Variants in STMN4 observed in about 807,000 individuals in gnomAD.
STMN4 encodes the protein stathmin 4.
Under a neutral mutation model 29.1 loss-of-function variants are expected in STMN4, and 12 were observed. The observed-to-expected ratio is 0.41, with a 90% CI of 0.26 to 0.67. The LOEUF is 0.67. Among genes scored for constraint, STMN4 ranks in the 30% least tolerant of loss-of-function variants. The pLI, the probability that STMN4 is intolerant of heterozygous loss-of-function variation, is 0.30. For synonymous variants in STMN4, 114 were observed against 105.3 expected (o/e 1.08, Z -0.51); for missense variants, 181 against 262.8 (o/e 0.69, Z 2.15).
At position 27,240,123 on chromosome 8, in the gene STMN4, G is replaced by A. The variant is rs1563412827; in HGVS notation, c.439C>T (p.Arg147Trp). The stretch of plus-strand genomic sequence containing the variant: ...TGGATCACCTCTCTCTCATGTTCCC[G>A]TTTCTCTGCTAGGTGTTTCAGGAGC... ...AELLKHLAEK[R>W]EHEREVIQKA... The change falls in exon 6 of 7, where the codon CGG becomes TGG. Residue 147 changes from arginine to tryptophan, a missense_variant. Physicochemically the swap from Arg to Trp is moderately radical, Grantham distance 101. Coordinates refer to ENST00000350889, the MANE Select transcript of STMN4 (RefSeq NM_030795.4). The A allele has an allele frequency of 1.2e-6, 2 of 1,614,060 alleles. No individual in the cohort carries two copies. The highest frequency in any genetic ancestry group is 1.7e-6 in the Non-Finnish European group (2 of 1,180,018).
At chr8:27,243,114 C>T (rs1202788845) in intron 2 of STMN4, among the ~76,000 whole-genome samples, 1 of 152,194 alleles carries the variant, frequency 6.6e-6, no homozygotes, top group Non-Finnish European at 1.5e-5. Flanking sequence ...TGTCAGGGGC[C>T]AGAGCTGTCC....
intron 6 of STMN4, 159 bp downstream of exon 6, chr8:27,239,812 C>T (rs79575108): frequency 6.5e-7 from 1 of 1,541,966 alleles, no homozygotes; most frequent in Admixed American, 2.0e-5. Flanking sequence ...CTTCCCTGAT[C>T]ATCCTTCGGA....
chr8:27,248,802 C>G (rs577112135), intron 1 of STMN4, among the ~76,000 whole-genome samples: 1 of 152,052 alleles, frequency 6.6e-6, no homozygotes, highest in East Asian at 1.9e-4. Flanking sequence ...GGTTCTGCTG[C>G]GAGTGTAAAA....
At chr8:27,247,849 A>T (rs982835228) in intron 1 of STMN4, among the ~76,000 whole-genome samples, 16 of 152,222 alleles carry the variant, frequency 1.1e-4, no homozygotes, top group Non-Finnish European at 2.2e-4. Context: ...AGAGCAATGG[A>T]AGGCAAAACC....
intron 1 of STMN4, 92 bp from the exon 2 acceptor site, chr8:27,243,893 A>C: frequency 1.0e-5 from 12 of 1,174,724 alleles, no homozygotes; most frequent in Non-Finnish European, 1.2e-5. Context: ...AGGGAATCTC[A>C]GGGGTACCTC....
chr8:27,241,379 G>A (rs1454809644), intron 4 of STMN4, 117 bp from the exon 5 acceptor site: 1 of 1,249,144 alleles, frequency 8.0e-7, no homozygotes, highest in Non-Finnish European at 1.1e-6. Context: ...GCTGGAGACT[G>A]GGGTCTGGCT....
intron 1 of STMN4, among the ~76,000 whole-genome samples, chr8:27,244,407 G>A (rs528768812): frequency 1.1e-4 from 17 of 152,254 alleles, no homozygotes; most frequent in African/African-American, 3.6e-4. Context: ...GAATCATGTC[G>A]TCATCACAGG....
At chr8:27,244,157 A>C (rs1297168531) in intron 1 of STMN4, among the ~76,000 whole-genome samples, 2 of 152,170 alleles carry the variant, frequency 1.3e-5, no homozygotes. Context: ...GTGAGAAGCA[A>C]ATCCTCCTGC....
chr8:27,241,303 T>TGCACAGGCACCCAGCAAGCATGCG (rs760742556), intron 4 of STMN4, 41 bp from the exon 5 acceptor site: 28 of 1,612,272 alleles, frequency 1.7e-5, no homozygotes, highest in Admixed American at 8.3e-5. Flanking sequence ...TCCTGAAGAA[T>TGCACAGGCACCCAGCAAGCATGCG]GCACAGGCAC....
chr8:27,236,870 C>T lies in STMN4; in HGVS notation c.627G>A (p.Glu209=). Residue 209 remains glutamate (E), a synonymous_variant, in exon 7 of 7, where the codon GAG becomes GAA. Transcript: ENST00000350889. ...KHAEEVRKNK[E]LKEEASR is the part of the protein sequence containing the mutation. ...TTTACCTGGAGGCCTCTTCCTTCAG[C>T]TCCTTGTTTTTCCGCACCTCCTCGG... 1 of 1,608,218 alleles carries T rather than the reference C, an allele frequency of 6.2e-7. No homozygotes were observed.
intron 1 of STMN4, among the ~76,000 whole-genome samples, chr8:27,248,520 G>C (rs1242135407): frequency 6.6e-6 from 1 of 152,178 alleles, no homozygotes; most frequent in Non-Finnish European, 1.5e-5. Flanking sequence ...GAAGGACTTT[G>C]TGCTTTATCT....
intron 1 of STMN4, among the ~76,000 whole-genome samples, chr8:27,253,473 A>G (rs1801850315): frequency 6.6e-6 from 1 of 152,164 alleles, no homozygotes; most frequent in Admixed American, 6.5e-5. Context: ...TCAGTTCTGG[A>G]TTATCGTTAT....
chr8:27,240,309 C>T, intron 5 of STMN4, 147 bp from the exon 6 acceptor site: 1 of 822,594 alleles, frequency 1.2e-6, no homozygotes, highest in South Asian at 1.9e-5. Flanking sequence ...AAGGACACTT[C>T]CTAAATTCCC....
intron 6 of STMN4, 95 bp from the exon 7 acceptor site, chr8:27,237,000 G>A: frequency 3.0e-6 from 4 of 1,321,428 alleles, no homozygotes; most frequent in Non-Finnish European, 4.1e-6. Context: ...GCAAAGAGTG[G>A]CCACCACAGG....
At position 27,241,678 on chromosome 8, in the gene STMN4, C is replaced by CTG. The variant is rs766386864; in HGVS notation, c.187_188dup (p.Gln63HisfsTer8). 6.2e-7 allele frequency: 1 copy of CTG among 1,614,186 alleles called. No homozygotes were observed. Among genetic ancestry groups the CTG allele is most frequent in the Non-Finnish European group, 8.5e-7 (1 of 1,180,014 alleles). On this transcript the variant is annotated frameshift_variant and splice_region_variant, in exon 4 of 7. Coordinates refer to ENST00000350889, the MANE Select transcript of STMN4 (RefSeq NM_030795.4). LOFTEE classifies it high-confidence loss of function. ...ATCCCTCCGCTGCCTCCCTCCTACC[C>CTG]TGAGCTCTTCTTTCTCTCCAGTCAG...
At position 27,239,737 on chromosome 8, in the gene STMN4, T is replaced by C. The variant is rs111700583; in HGVS notation, c.591+234A>G. Reference sequence around the variant, plus strand: ...TCCCTAAGGCAATGAAGGATTTTAATTGTGTAACTGTGCAGAATATCCCCC... The same window carrying C: ...TCCCTAAGGCAATGAAGGATTTTAACTGTGTAACTGTGCAGAATATCCCCC... On this transcript the variant is annotated intron_variant, in intron 6 of 6. Transcript: ENST00000350889. 22 of 1,468,626 alleles carry C rather than the reference T, an allele frequency of 1.5e-5. No homozygotes were observed. In the African/African-American group the frequency reaches 2.1e-4, roughly 14 times the overall value. 91.0% of individuals were successfully genotyped at this position (1,468,626 alleles called of 1,614,324 possible). A position where few individuals can be genotyped will look rare whatever the true frequency, so the allele number is the denominator to read the frequency against.
In STMN4 at chr8:27,242,496, C is replaced by G. The variant is rs756629458; in HGVS notation, c.14-4G>C. 4 of 1,613,934 alleles carry G rather than the reference C, an allele frequency of 2.5e-6. No homozygotes were observed. Among genetic ancestry groups the G allele is most frequent in the Non-Finnish European group, 3.4e-6 (4 of 1,179,882 alleles). On this transcript the variant is annotated splice_polypyrimidine_tract_variant and splice_region_variant and intron_variant, in intron 2 of 6. Coordinates refer to ENST00000350889, the MANE Select transcript of STMN4 (RefSeq NM_030795.4). Reference sequence around the variant, plus strand: ...TCCTTCATCTTCTCTTTGTAGGCTGCGGAAACACCCAGTCAGGTGAGGATG... The same window carrying G: ...TCCTTCATCTTCTCTTTGTAGGCTGGGGAAACACCCAGTCAGGTGAGGATG...
chr8:27,238,518 C>T (rs938330168), intron 6 of STMN4, among the ~76,000 whole-genome samples: 20 of 152,332 alleles, frequency 1.3e-4, no homozygotes, highest in African/African-American at 4.6e-4. Context: ...CTGAATCTAC[C>T]GATCTCTCTG....
intron 1 of STMN4, among the ~76,000 whole-genome samples, chr8:27,246,700 G>A (rs538751953): frequency 5.9e-5 from 9 of 152,296 alleles, no homozygotes; most frequent in Non-Finnish European, 1.0e-4. Context: ...AGAGATGGGA[G>A]TAAGGCAGCC....
Sources: allele counts gnomAD v4.1 joint callset (sites outside exome capture counted in the v4.1 genomes callset), GRCh38; gene constraint gnomAD v4.1.1; transcripts MANE v1.5; gene names NCBI Gene and HGNC (gene_info 2026-07-23, HGNC 2026-07-21).